The following WDR35 variants were observed in gnomAD, a reference collection of about 807,000 sequenced individuals.
The protein encoded by WDR35 is WD repeat domain 35.
WDR35 carries 118 observed loss-of-function variants against 158.3 expected under a neutral mutation model. That is an observed-to-expected ratio of 0.75 (90% confidence interval 0.64 to 0.87). WDR35 has a LOEUF of 0.87. WDR35 is among the 40% of genes least tolerant of loss of function. The pLI, the probability that WDR35 is intolerant of heterozygous loss-of-function variation, is 0.00. For synonymous variants in WDR35, 448 were observed against 476.1 expected (o/e 0.94, Z 0.77); for missense variants, 1,263 against 1,405.8 (o/e 0.90, Z 1.62).
At position 19,930,537 on chromosome 2, in the gene WDR35, C is replaced by A. The variant is rs1194134341; in HGVS notation, c.2980G>T (p.Ala994Ser). ...GKSSEATSAL[A>S]GLLEEEVLST... ...AGAACTTCTTCTTCCAGCAAACCAG[C>A]CAAGGCAGAAGTGGCCTACGAGTAA... The change falls in exon 25 of 27, where the codon GCT (alanine) becomes TCT (serine). Residue 994 changes from alanine (A) to serine (S), a missense_variant. Ala to Ser is a moderately conservative substitution (Grantham distance 99). Transcript: ENST00000281405. 6.8e-6 allele frequency: 11 copies of A among 1,613,958 alleles called. No individual in the cohort carries two copies. The highest frequency in any genetic ancestry group is 1.7e-5 in the Admixed American group (1 of 59,992).
At chr2:19,930,010 A>G (rs1487106369) in intron 25 of WDR35, among the ~76,000 whole-genome samples, 1 of 151,022 alleles carries the variant, frequency 6.6e-6, no homozygotes, top group Non-Finnish European at 1.5e-5. Context: ...ATTGTAAAGA[A>G]TAAAATTATC....
At chr2:19,947,930 T>G (rs1206870011) in intron 14 of WDR35, among the ~76,000 whole-genome samples, 1 of 152,104 alleles carries the variant, frequency 6.6e-6, no homozygotes, top group Non-Finnish European at 1.5e-5. Flanking sequence ...AAGGGTACAG[T>G]AAAACTTGGG....
At chr2:19,931,487 A>T (rs1670525730) in intron 23 of WDR35, 78 bp from the exon 24 acceptor site, 4 of 1,537,722 alleles carry the variant, frequency 2.6e-6, no homozygotes, top group Non-Finnish European at 3.6e-6. Flanking sequence ...AAAACTAACA[A>T]ATTTGATTCC....
intron 9 of WDR35, 102 bp downstream of exon 9, chr2:19,969,378 C>A: frequency 7.7e-7 from 1 of 1,296,226 alleles, no homozygotes; most frequent in East Asian, 2.5e-5. Context: ...GGCTTCCTTT[C>A]TGCTAGCTCC....
chr2:19,982,564 T>C (rs755313414), intron 2 of WDR35, 30 bp from the exon 3 acceptor site: 1 of 1,605,062 alleles, frequency 6.2e-7, no homozygotes, highest in East Asian at 2.2e-5. Flanking sequence ...ACTACTATGA[T>C]AAATATGTAA....
Position 19,981,262 on chromosome 2 carries a change from C to T in WDR35, c.215-479G>A, listed in dbSNP as rs971460528. Among the ~76,000 whole-genome samples the T allele has an allele frequency of 7.2e-5, 11 of 152,242 alleles. No individual in the cohort carries two copies. In the East Asian group the frequency reaches 9.6e-4, roughly 13 times the overall value. ...GAGCATATCTTAAACCTCTAGGGTA[C>T]GTGAATAATTGATGACTTTTAATTT... On this transcript the variant is annotated intron_variant, in intron 3 of 26. Transcript: ENST00000281405.
chr2:19,959,265 T>TA (rs1232010314), intron 11 of WDR35, among the ~76,000 whole-genome samples: 2 of 152,078 alleles, frequency 1.3e-5, no homozygotes, highest in Admixed American at 1.3e-4. Flanking sequence ...CTACTTGTGA[T>TA]AAAAATTACT....
At position 19,945,881 on chromosome 2, in the gene WDR35, C is replaced by A; in HGVS notation, c.1750G>T (p.Asp584Tyr). Residue 584 changes from aspartate to tyrosine, a missense_variant, in exon 16 of 27, where the codon GAT (aspartate) becomes TAT (tyrosine). By Grantham distance (160) the Asp-to-Tyr change is radical (BLOSUM62 -3). Coordinates refer to ENST00000281405, the MANE Select transcript of WDR35 (RefSeq NM_020779.4). Reference protein sequence around the residue: ...VGELLKLERRDVWDMKWAKDN... With the variant: ...VGELLKLERRYVWDMKWAKDN... Reference sequence around the variant, plus strand: ...TTGGCCCACTTCATATCCCAGACATCTCTTCGTTCCAATTTTAACAACTCT... The same window carrying A: ...TTGGCCCACTTCATATCCCAGACATATCTTCGTTCCAATTTTAACAACTCT... 1 of 1,614,036 alleles carries A rather than the reference C, an allele frequency of 6.2e-7. No homozygotes were observed. Among genetic ancestry groups the A allele is most frequent in the African/African-American group, 1.3e-5 (1 of 75,052 alleles).
chr2:19,919,521 G>T (rs914816949), intron 25 of WDR35, among the ~76,000 whole-genome samples: 6 of 152,128 alleles, frequency 3.9e-5, no homozygotes, highest in East Asian at 1.9e-4. Flanking sequence ...AAATAAAGAT[G>T]TTCTTTGAAA....
At chr2:19,971,637 G>A (rs1212485568) in intron 8 of WDR35, among the ~76,000 whole-genome samples, 1 of 152,068 alleles carries the variant, frequency 6.6e-6, no homozygotes, top group Admixed American at 6.5e-5. Context: ...GGAAACCAAT[G>A]GAAGAAAAAA....
At position 19,912,893 on chromosome 2, in the gene WDR35, G is replaced by A. The variant is rs1669877747; in HGVS notation, c.*665C>T. 6.6e-6 allele frequency: 1 copy of A among 152,136 alleles called. No individual in the cohort carries two copies. Among genetic ancestry groups the A allele is most frequent in the African/African-American group, 2.4e-5 (1 of 41,418 alleles). The allele number at this position is 152,136 out of a possible 1,614,324, so 9.4% of individuals were successfully genotyped here. A position where few individuals can be genotyped will look rare whatever the true frequency, so the allele number is the denominator to read the frequency against. On this transcript the variant is annotated 3_prime_UTR_variant, in exon 27 of 27. Transcript: ENST00000281405. ...GTTTAAGTTATCTTCATTATAAATA[G>A]AGGCAAGTTTTCTGCACAATCATAT...
intron 8 of WDR35, among the ~76,000 whole-genome samples, chr2:19,972,845 G>T (rs1362990908): frequency 6.6e-6 from 1 of 152,006 alleles, no homozygotes; most frequent in Non-Finnish European, 1.5e-5. Context: ...ATAGTACTGG[G>T]TTAGAAAATA....
At chr2:19,917,480 G>A (rs1009793750) in intron 25 of WDR35, among the ~76,000 whole-genome samples, 2 of 152,176 alleles carry the variant, frequency 1.3e-5, no homozygotes, top group Non-Finnish European at 2.9e-5. Flanking sequence ...CTAATGCAAG[G>A]AAGCTAAGAA....
In WDR35 at chr2:19,930,566, C is replaced by G; in HGVS notation, c.2965-14G>C. ...GGCAGAAGTGGCCTACGAGTAAAGT[C>G]AGCCCACACTTTCCGTCAGCACAAA... On this transcript the variant is annotated splice_polypyrimidine_tract_variant and intron_variant, in intron 24 of 26. Coordinates refer to ENST00000281405, the MANE Select transcript of WDR35 (RefSeq NM_020779.4). 6.2e-7 allele frequency: 1 copy of G among 1,613,816 alleles called. No individual in the cohort carries two copies. Among genetic ancestry groups the G allele is most frequent in the Non-Finnish European group, 8.5e-7 (1 of 1,179,998 alleles).
At chr2:19,925,148 G>A (rs201612486) in intron 25 of WDR35, among the ~76,000 whole-genome samples, 8 of 152,210 alleles carry the variant, frequency 5.3e-5, no homozygotes, top group East Asian at 3.8e-4. Flanking sequence ...GGGAACCCCC[G>A]CAAAGGGTCT....
chr2:19,946,997 G>T (rs1224775576), intron 14 of WDR35, among the ~76,000 whole-genome samples: 2 of 152,142 alleles, frequency 1.3e-5, no homozygotes, highest in African/African-American at 4.8e-5. Context: ...GTTACTGAAG[G>T]TCTAGGTTTT....
chr2:19,966,923 A>G lies in WDR35; in HGVS notation c.1009-14T>C, dbSNP rs929795934. The G allele has an allele frequency of 2.5e-6, 4 of 1,612,154 alleles. No individual in the cohort carries two copies. The highest frequency in any genetic ancestry group is 3.4e-6 in the Non-Finnish European group (4 of 1,178,730). On this transcript the variant is annotated splice_polypyrimidine_tract_variant and intron_variant, in intron 9 of 26. Coordinates refer to ENST00000281405, the MANE Select transcript of WDR35 (RefSeq NM_020779.4). ...GCAATAACCCCACTAGGAAGAAAGG[A>G]AGGAGGAAAGGGAAGGAGATTGAAA... is the stretch of plus-strand genomic sequence containing the variant.
chr2:19,951,450 T>C lies in WDR35; in HGVS notation c.1435A>G (p.Met479Val), dbSNP rs797046099. The part of the protein sequence containing the change: ...YHVDDTPSGS[M>V]DGVLDYSKTI... Reference sequence around the variant, plus strand: ...TTACTATAATCAAGCACACCATCCATTGATCCAGAAGGGGTATCATCAACA... The same window carrying C: ...TTACTATAATCAAGCACACCATCCACTGATCCAGAAGGGGTATCATCAACA... Residue 479 changes from methionine to valine, a missense_variant, in exon 13 of 27, where the codon ATG becomes GTG. Physicochemically the swap from Met to Val is conservative, Grantham distance 21. Coordinates refer to ENST00000281405, the MANE Select transcript of WDR35 (RefSeq NM_020779.4). The C allele has an allele frequency of 2.9e-5, 47 of 1,611,732 alleles. No homozygotes were observed. In the Middle Eastern group the frequency reaches 5.1e-3, roughly 176 times the overall value.
chr2:19,951,637 T>C, intron 12 of WDR35, 153 bp from the exon 13 acceptor site: 1 of 584,198 alleles, frequency 1.7e-6, no homozygotes, highest in South Asian at 3.0e-5. Context: ...AGTTAAATCT[T>C]AATGAAGATA....
Sources: allele counts gnomAD v4.1 joint callset (sites outside exome capture counted in the v4.1 genomes callset), GRCh38; gene constraint gnomAD v4.1.1; transcripts MANE v1.5; gene names NCBI Gene and HGNC (gene_info 2026-07-23, HGNC 2026-07-21).